The following MPHOSPH6 variants were observed in gnomAD, a reference collection of about 807,000 sequenced individuals.
MPHOSPH6 encodes the protein M-phase phosphoprotein 6.
MPHOSPH6 carries 25 observed loss-of-function variants against 21.8 expected under a neutral mutation model. That is an observed-to-expected ratio of 1.15 (90% CI 0.83 to 1.60). The LOEUF (loss-of-function observed/expected upper bound fraction) is 1.60. MPHOSPH6 is among the 40% of genes most tolerant of loss of function. MPHOSPH6 has a pLI of 0.00. For missense variants in MPHOSPH6, 269 were observed against 181.8 expected (o/e 1.48, Z -2.76); for synonymous variants, 84 against 56.5 (o/e 1.49, Z -2.18).
At chr16:82,153,166 A>C (rs1018857825) in intron 2 of MPHOSPH6, among the ~76,000 whole-genome samples, 3 of 152,170 alleles carry the variant, frequency 2.0e-5, no homozygotes, top group African/African-American at 7.2e-5. Context: ...GCTCTCCTGG[A>C]GGTTACAGTC....
At chr16:82,160,813 A>AG (rs1179688153) in intron 2 of MPHOSPH6, among the ~76,000 whole-genome samples, 34 of 152,166 alleles carry the variant, frequency 2.2e-4, no homozygotes, top group Admixed American at 2.0e-3. Flanking sequence ...ACTACTCCCA[A>AG]AATATGGCAT....
chr16:82,161,689 G>C (rs1906612708), intron 2 of MPHOSPH6, among the ~76,000 whole-genome samples: 1 of 152,200 alleles, frequency 6.6e-6, no homozygotes, highest in Non-Finnish European at 1.5e-5. Context: ...ATTGGGCAGA[G>C]GGAGAAGATA....
chr16:82,166,654 T>A (rs529209093), intron 1 of MPHOSPH6, among the ~76,000 whole-genome samples: 1 of 134,068 alleles, frequency 7.5e-6, no homozygotes, highest in Non-Finnish European at 1.6e-5. Context: ...GCTCACTCAG[T>A]GAAAGTTCTC....
At chr16:82,151,273 T>C in intron 3 of MPHOSPH6, 151 bp downstream of exon 3, 1 of 1,151,874 alleles carries the variant, frequency 8.7e-7, no homozygotes, top group Non-Finnish European at 1.2e-6. Flanking sequence ...GCCTCCAATT[T>C]CTTTAAATAG....
At chr16:82,149,493 GTCAAAT>G in intron 3 of MPHOSPH6, 90 bp from the exon 4 acceptor site, 6 of 1,093,200 alleles carry the variant, frequency 5.5e-6, no homozygotes, top group Admixed American at 1.7e-5. Context: ...AGAAACTGAA[GTCAAAT>G]AATCTAGAGA....
chr16:82,149,798 T>C (rs2288050), intron 3 of MPHOSPH6, among the ~76,000 whole-genome samples: 86,419 of 151,904 alleles, frequency 0.57, 25,585 homozygotes, highest in Non-Finnish European at 0.65. Flanking sequence ...TAGTCGTCAG[T>C]AATAATTTTA....
intron 2 of MPHOSPH6, among the ~76,000 whole-genome samples, chr16:82,160,816 T>C (rs1161350299): frequency 2.0e-5 from 3 of 152,104 alleles, no homozygotes; most frequent in Admixed American, 6.6e-5. Context: ...ACTCCCAAAA[T>C]ATGGCATCTT....
chr16:82,152,186 G>C (rs905745561), intron 2 of MPHOSPH6, among the ~76,000 whole-genome samples: 3 of 152,162 alleles, frequency 2.0e-5, no homozygotes, highest in African/African-American at 7.2e-5. Flanking sequence ...TCTGAGCTGT[G>C]TGGTGCACTT....
chr16:82,151,494 T>G lies in MPHOSPH6; in HGVS notation c.185A>C (p.Gln62Pro). ...AAGATCTTCACATAGTAAGAAACTC[T>G]GCTCTTCTATTATGAAACTCCTAAA... ...KEKESFIIEEQSFLLCEDLLY... is the reference protein window; with the variant it reads ...KEKESFIIEEPSFLLCEDLLY... The change falls in exon 3 of 5, where the codon CAG becomes CCG. Residue 62 changes from glutamine (Q) to proline (P), a missense_variant. Physicochemically the swap from Gln to Pro is moderately conservative, Grantham distance 76. Transcript: ENST00000258169. 1.3e-6 allele frequency: 2 copies of G among 1,597,012 alleles called. No individual in the cohort carries two copies. Among genetic ancestry groups the G allele is most frequent in the South Asian group, 1.1e-5 (1 of 87,082 alleles).
chr16:82,151,679 G>C (rs1906270136), intron 2 of MPHOSPH6, among the ~76,000 whole-genome samples, 165 bp from the exon 3 acceptor site: 1 of 152,214 alleles, frequency 6.6e-6, no homozygotes, highest in South Asian at 2.1e-4. Flanking sequence ...GATTAATTTG[G>C]TCAGCAAAGG....
At chr16:82,149,132 G>T (rs945838572) in intron 4 of MPHOSPH6, among the ~76,000 whole-genome samples, 177 bp downstream of exon 4, 1 of 152,112 alleles carries the variant, frequency 6.6e-6, no homozygotes, top group African/African-American at 2.4e-5. Context: ...CCCTCAACTG[G>T]CAGCCTGAGA....
chr16:82,154,871 G>A (rs753837979), intron 2 of MPHOSPH6, among the ~76,000 whole-genome samples: 6 of 152,074 alleles, frequency 3.9e-5, no homozygotes, highest in African/African-American at 1.2e-4. Context: ...GAGGAGGTAG[G>A]AACACTTTCC....
chr16:82,151,385 T>A, intron 3 of MPHOSPH6, 39 bp downstream of exon 3: 1 of 1,598,840 alleles, frequency 6.3e-7, no homozygotes, highest in Non-Finnish European at 8.5e-7. Flanking sequence ...AAAAATTCAA[T>A]TGGAAAAATT....
chr16:82,155,257 C>A (rs1277055547), intron 2 of MPHOSPH6, among the ~76,000 whole-genome samples: 1 of 152,184 alleles, frequency 6.6e-6, no homozygotes, highest in Non-Finnish European at 1.5e-5. Flanking sequence ...TAAATGCTTT[C>A]CCAACTGTGA....
chr16:82,163,102 A>G (rs1200392776), intron 2 of MPHOSPH6, among the ~76,000 whole-genome samples: 3 of 152,204 alleles, frequency 2.0e-5, no homozygotes, highest in Non-Finnish European at 4.4e-5. Flanking sequence ...CATACTTTCT[A>G]TCTTTAGAGA....
At chr16:82,153,373 G>A (rs1906328880) in intron 2 of MPHOSPH6, among the ~76,000 whole-genome samples, 1 of 152,156 alleles carries the variant, frequency 6.6e-6, no homozygotes, top group African/African-American at 2.4e-5. Context: ...CCAAGCATAT[G>A]ACTGTGATGC....
intron 4 of MPHOSPH6, 102 bp downstream of exon 4, chr16:82,149,207 C>T: frequency 8.3e-7 from 1 of 1,205,218 alleles, no homozygotes; most frequent in Non-Finnish European, 1.2e-6. Context: ...TACTGGGGGA[C>T]TCCCTTGAAA....
intron 2 of MPHOSPH6, among the ~76,000 whole-genome samples, chr16:82,155,685 C>T (rs1157477564): frequency 6.6e-6 from 1 of 152,122 alleles, no homozygotes; most frequent in Non-Finnish European, 1.5e-5. Flanking sequence ...GGGCAGATCA[C>T]TTGAGGTCAG....
At chr16:82,165,919 G>C (rs879355976) in intron 1 of MPHOSPH6, among the ~76,000 whole-genome samples, 1 of 152,224 alleles carries the variant, frequency 6.6e-6, no homozygotes. Context: ...AAGTGCTGAA[G>C]AGAATGTGAA....
Sources: gnomAD v4.1 joint callset for allele counts (sites outside exome capture counted in the v4.1 genomes callset) on GRCh38, gnomAD v4.1.1 for gene constraint, MANE v1.5 for transcripts, NCBI Gene and HGNC (gene_info 2026-07-23, HGNC 2026-07-21) for gene names.